PLCB4: variants seen among roughly 807,000 people sequenced by gnomAD.
PLCB4 encodes the protein 1-phosphatidylinositol 4,5-bisphosphate phosphodiesterase beta-4.
In PLCB4, 77 loss-of-function variants were observed where a neutral mutation model predicts 178.8. The ratio of observed to expected loss-of-function variants is 0.43; its 90% CI spans 0.36 to 0.52. The LOEUF is 0.52. PLCB4 is among the 20% of genes least tolerant of loss of function. The probability of loss-of-function intolerance (pLI) is 0.00; values close to 1 mark genes in which losing one functional copy is unlikely to be tolerated. For missense variants in PLCB4, 1,024 were observed against 1,453.4 expected (o/e 0.70, Z 4.80); for synonymous variants, 496 against 490.8 (o/e 1.01, Z -0.14).
chr20:9,354,434 A>G (rs1379074117), intron 7 of PLCB4, among the ~76,000 whole-genome samples: 1 of 152,210 alleles, frequency 6.6e-6, no homozygotes, highest in African/African-American at 2.4e-5. Context: ...AGGTGCTCTG[A>G]TACTAGCCTC....
intron 3 of PLCB4, among the ~76,000 whole-genome samples, chr20:9,293,072 C>CAAGA (rs372645343): frequency 1.4e-3 from 209 of 149,106 alleles, no homozygotes; most frequent in African/African-American, 2.0e-3. Flanking sequence ...GAGTGAGATT[C>CAAGA]AAGAAAGAAA....
chr20:9,134,818 A>G (rs2092349423), intron 2 of PLCB4, among the ~76,000 whole-genome samples: 1 of 152,148 alleles, frequency 6.6e-6, no homozygotes, highest in African/African-American at 2.4e-5. Flanking sequence ...CATCTTCCCT[A>G]TTTGGTGGTT....
intron 4 of PLCB4, among the ~76,000 whole-genome samples, chr20:9,332,648 C>T (rs1010994916): frequency 2.0e-5 from 3 of 152,082 alleles, no homozygotes; most frequent in Non-Finnish European, 2.9e-5. Flanking sequence ...ACAACTGATA[C>T]GTTTTTATTT....
intron 2 of PLCB4, among the ~76,000 whole-genome samples, chr20:9,205,156 A>T (rs2093600987): frequency 6.6e-6 from 1 of 152,324 alleles, no homozygotes; most frequent in African/African-American, 2.4e-5. Flanking sequence ...AATGCTGGGC[A>T]GTGGCAGTGA....
chr20:9,408,579 C>T (rs547863216), intron 22 of PLCB4, 54 bp from the exon 23 acceptor site: 88 of 830,206 alleles, frequency 1.1e-4, no homozygotes, highest in African/African-American at 9.5e-4. Context: ...TGCTGTTTTT[C>T]GGTGAGGGTT....
chr20:9,152,769 A>C (rs2146936789), intron 2 of PLCB4, among the ~76,000 whole-genome samples: 1 of 152,228 alleles, frequency 6.6e-6, no homozygotes, highest in South Asian at 2.1e-4. Flanking sequence ...CAGACCCCAA[A>C]ATGGTAGACC....
intron 3 of PLCB4, among the ~76,000 whole-genome samples, chr20:9,284,221 T>G (rs530733567): frequency 6.6e-6 from 1 of 152,064 alleles, no homozygotes; most frequent in East Asian, 1.9e-4. Flanking sequence ...GAAAAGCATC[T>G]TAGATATGGT....
At chr20:9,245,737 G>GTTT (rs34271595) in intron 3 of PLCB4, among the ~76,000 whole-genome samples, 136 of 147,332 alleles carry the variant, frequency 9.2e-4, no homozygotes, top group African/African-American at 3.1e-3. Flanking sequence ...TATCTGGTGG[G>GTTT]TTTTTTTTTT....
intron 27 of PLCB4, 134 bp from the exon 28 acceptor site, chr20:9,423,613 TG>T: frequency 4.4e-6 from 3 of 674,180 alleles, no homozygotes; most frequent in Non-Finnish European, 7.9e-6. Flanking sequence ...TTTTGGGGAA[TG>T]CAGATGGATC....
intron 7 of PLCB4, among the ~76,000 whole-genome samples, chr20:9,362,335 A>C (rs1031917367): frequency 2.0e-5 from 3 of 152,186 alleles, no homozygotes; most frequent in African/African-American, 4.8e-5. Flanking sequence ...AGTGAGGTCC[A>C]AGTCCTTATA....
At chr20:9,073,125 A>C (rs567769555) in intron 1 of PLCB4, among the ~76,000 whole-genome samples, 1 of 152,156 alleles carries the variant, frequency 6.6e-6, no homozygotes, top group African/African-American at 2.4e-5. Context: ...TTTAAGATAC[A>C]TTGCCCTTCT....
At chr20:9,295,339 G>A (rs1601667478) in intron 3 of PLCB4, among the ~76,000 whole-genome samples, 1 of 152,060 alleles carries the variant, frequency 6.6e-6, no homozygotes, top group East Asian at 1.9e-4. Context: ...TGTTAGTTCT[G>A]TACTTGAAAA....
At chr20:9,087,219 T>C (rs2090468830) in intron 1 of PLCB4, among the ~76,000 whole-genome samples, 1 of 152,236 alleles carries the variant, frequency 6.6e-6, no homozygotes, top group Admixed American at 6.5e-5. Context: ...TTATGAAATA[T>C]ATTACATTTG....
chr20:9,347,171 G>T (rs993493826), intron 7 of PLCB4, among the ~76,000 whole-genome samples: 1 of 152,174 alleles, frequency 6.6e-6, no homozygotes, highest in African/African-American at 2.4e-5. Context: ...GACAAATACG[G>T]GAGGGTGTGG....
intron 12 of PLCB4, among the ~76,000 whole-genome samples, chr20:9,375,498 G>A (rs73068432): frequency 0.04 from 6,159 of 152,272 alleles, 150 homozygotes; most frequent in Middle Eastern, 0.062. Flanking sequence ...TATAAAGCTT[G>A]CACTTTAGAA....
intron 2 of PLCB4, among the ~76,000 whole-genome samples, chr20:9,147,346 T>G (rs1171751881): frequency 6.6e-6 from 1 of 152,184 alleles, no homozygotes; most frequent in Admixed American, 6.5e-5. Flanking sequence ...TAAGGACTAG[T>G]ATTCCAAGGA....
At chr20:9,178,442 G>T (rs1255246884) in intron 2 of PLCB4, among the ~76,000 whole-genome samples, 1 of 151,966 alleles carries the variant, frequency 6.6e-6, no homozygotes, top group Non-Finnish European at 1.5e-5. Context: ...CATTTTATCA[G>T]CACTTATGTG....
chr20:9,474,710 T>C (rs1306405701), intron 38 of PLCB4, among the ~76,000 whole-genome samples: 1 of 152,192 alleles, frequency 6.6e-6, no homozygotes, highest in Non-Finnish European at 1.5e-5. Context: ...TAAAATCTTT[T>C]TTGTATGGCA....
At chr20:9,292,490 A>G (rs2094588960) in intron 3 of PLCB4, among the ~76,000 whole-genome samples, 1 of 152,174 alleles carries the variant, frequency 6.6e-6, no homozygotes, top group Non-Finnish European at 1.5e-5. Context: ...AAGCCCCACC[A>G]GTGAGGACCT....
Sources: gnomAD v4.1 joint callset for allele counts (sites outside exome capture counted in the v4.1 genomes callset) on GRCh38, gnomAD v4.1.1 for gene constraint, MANE v1.5 for transcripts, NCBI Gene and HGNC (gene_info 2026-07-23, HGNC 2026-07-21) for gene names.